WIPF3: variants seen among roughly 807,000 people sequenced by gnomAD.
The protein encoded by WIPF3 is WAS/WASL interacting protein family member 3, also known as WAS/WASL-interacting protein family member 3.
Under a neutral mutation model 38.9 loss-of-function variants are expected in WIPF3, and 33 were observed. The observed-to-expected ratio is 0.85, with a 90% CI of 0.64 to 1.14. The LOEUF is 1.14. Ranked by LOEUF, WIPF3 falls within the 50% of genes most tolerant of loss-of-function variation. The probability of loss-of-function intolerance (pLI) is 0.00; values close to 1 mark genes in which losing one functional copy is unlikely to be tolerated. For missense variants in WIPF3, 711 were observed against 652.5 expected (o/e 1.09, Z -0.98); for synonymous variants, 324 against 269.3 (o/e 1.20, Z -1.99).
At chr7:29,910,744 A>G (rs1309120504) in intron 8 of WIPF3, among the ~76,000 whole-genome samples, 1 of 152,172 alleles carries the variant, frequency 6.6e-6, no homozygotes, top group Non-Finnish European at 1.5e-5. Context: ...AATTCTCAAT[A>G]AACTAGGAAT....
chr7:29,847,662 T>G (rs1785023497), intron 2 of WIPF3, among the ~76,000 whole-genome samples: 1 of 152,234 alleles, frequency 6.6e-6, no homozygotes, highest in African/African-American at 2.4e-5. Flanking sequence ...CTGAGCTGCA[T>G]TCCTTCCTTC....
At chr7:29,894,764 G>C (rs1312332868) in intron 7 of WIPF3, among the ~76,000 whole-genome samples, 1 of 148,008 alleles carries the variant, frequency 6.8e-6, no homozygotes, top group Non-Finnish European at 1.5e-5. Context: ...CTCTCTTTCT[G>C]ACACACACAC....
At position 29,894,926 on chromosome 7, in the gene WIPF3, T is replaced by G. The variant is rs559936502; in HGVS notation, c.1351+5519T>G. Among the ~76,000 whole-genome samples, 190 of 151,840 alleles carry G rather than the reference T, an allele frequency of 1.3e-3. 2 individuals are homozygous for G. In the Middle Eastern group the frequency reaches 0.024, roughly 19 times the overall value. On this transcript the variant is annotated intron_variant, in intron 7 of 8. Transcript: ENST00000242140. ...TGTTTTGTGTGTGTTGTTGTTTTTTTTTGTTGTTGTTGTTGTTTTTCGCTT... is the reference window on the plus strand; with the variant it reads ...TGTTTTGTGTGTGTTGTTGTTTTTTGTTGTTGTTGTTGTTGTTTTTCGCTT...
intron 1 of WIPF3, among the ~76,000 whole-genome samples, chr7:29,821,536 G>T (rs143652173): frequency 1.3e-5 from 2 of 152,174 alleles, no homozygotes; most frequent in South Asian, 2.1e-4. Flanking sequence ...TGATTCTCTC[G>T]CCTTGGCCTC....
At chr7:29,818,345 C>T (rs1454340793) in intron 1 of WIPF3, among the ~76,000 whole-genome samples, 4 of 151,698 alleles carry the variant, frequency 2.6e-5, no homozygotes, top group Admixed American at 1.3e-4. Flanking sequence ...ACCAGCTACT[C>T]GGGAGGCTGA....
Position 29,884,296 on chromosome 7 carries a change from C to T in WIPF3, c.802C>T (p.Pro268Ser). ...CATCCCGCCCCCGCTCCCTCTGCTC[C>T]CACCTTGTGGGTATCCGGGGCTCAA... ...PPIPPPLPLL[P>S]PCGYPGLKAE... Residue 268 changes from proline (P) to serine (S), a missense_variant, in exon 5 of 9, where the codon CCA becomes TCA. Transcript: ENST00000242140. 3 of 1,524,602 alleles carry T rather than the reference C, an allele frequency of 2.0e-6. No homozygotes were observed. Among genetic ancestry groups the T allele is most frequent in the Non-Finnish European group, 2.7e-6 (3 of 1,131,712 alleles). 94.4% of individuals were successfully genotyped at this position (1,524,602 alleles called of 1,614,324 possible).
intron 2 of WIPF3, among the ~76,000 whole-genome samples, chr7:29,869,270 C>T (rs868747305): frequency 1.6e-4 from 24 of 152,176 alleles, no homozygotes; most frequent in African/African-American, 4.8e-4. Flanking sequence ...TCAGGTGATC[C>T]GCCCACCTTG....
rs775531802 is a variant in WIPF3, at chr7:29,823,472, A to T, written c.-57-11196A>T. On this transcript the variant is annotated intron_variant, in intron 1 of 8. Coordinates refer to ENST00000242140, the MANE Select transcript of WIPF3 (RefSeq NM_001080529.3). The surrounding 1 kb of genome is among the most constrained non-coding windows in gnomAD (Gnocchi z 4.0). ...TAGTTTGCAATATTTTTCTTTAATA[A>T]TCATTAAGATGATATCTCATTTCTA... Among the ~76,000 whole-genome samples the T allele has an allele frequency of 6.6e-6, 1 of 152,226 alleles. No homozygotes were observed. The highest frequency in any genetic ancestry group is 2.4e-5 in the African/African-American group (1 of 41,454).
At chr7:29,910,419 A>G (rs1034860128) in intron 8 of WIPF3, among the ~76,000 whole-genome samples, 3 of 152,170 alleles carry the variant, frequency 2.0e-5, no homozygotes, top group African/African-American at 4.8e-5. Flanking sequence ...CTTTTTATCT[A>G]TTCTATGAGA....
At chr7:29,837,181 C>T (rs908818513) in intron 2 of WIPF3, among the ~76,000 whole-genome samples, 3 of 151,930 alleles carry the variant, frequency 2.0e-5, no homozygotes, top group African/African-American at 4.8e-5. Context: ...CGGTGAAACC[C>T]CGTCTCTACT....
At chr7:29,816,473 T>C (rs1784460013) in intron 1 of WIPF3, among the ~76,000 whole-genome samples, 1 of 124,888 alleles carries the variant, frequency 8.0e-6, no homozygotes. Context: ...GTACACCAGC[T>C]AATTTTTATT....
Position 29,878,088 on chromosome 7 carries a change from A to G in WIPF3, c.224-921A>G, listed in dbSNP as rs1212303567. Among the ~76,000 whole-genome samples the G allele has an allele frequency of 6.6e-6, 1 of 151,786 alleles. No homozygotes were observed. The highest frequency in any genetic ancestry group is 2.4e-5 in the African/African-American group (1 of 41,038). ...AAAGAAATATTTTCAACATTGAGAA[A>G]TATTTTCAACATTGAGTACATTAAA... is the stretch of plus-strand genomic sequence containing the variant. On this transcript the variant is annotated intron_variant, in intron 3 of 8. Coordinates refer to ENST00000242140, the MANE Select transcript of WIPF3 (RefSeq NM_001080529.3). The surrounding 1 kb of genome is among the most constrained non-coding windows in gnomAD (Gnocchi z 4.0).
intron 4 of WIPF3, among the ~76,000 whole-genome samples, chr7:29,881,571 AT>A (rs1286609145): frequency 1.3e-5 from 2 of 151,932 alleles, no homozygotes; most frequent in African/African-American, 4.8e-5. Context: ...GAATATAAAT[AT>A]TTTTTTAATA....
intron 2 of WIPF3, among the ~76,000 whole-genome samples, chr7:29,871,388 G>C (rs1785494368): frequency 6.6e-6 from 1 of 152,160 alleles, no homozygotes; most frequent in African/African-American, 2.4e-5. Context: ...TTGTATGCCT[G>C]GAAACCTGTG....
chr7:29,900,057 C>T (rs1786242225), intron 7 of WIPF3, among the ~76,000 whole-genome samples: 1 of 152,128 alleles, frequency 6.6e-6, no homozygotes, highest in Non-Finnish European at 1.5e-5. Context: ...CCTGCCTCAG[C>T]CTCTTGAGTA....
intron 1 of WIPF3, among the ~76,000 whole-genome samples, chr7:29,807,506 C>G (rs1165249315): frequency 6.6e-6 from 1 of 152,172 alleles, no homozygotes; most frequent in Non-Finnish European, 1.5e-5. Flanking sequence ...GCCCGGGCCC[C>G]GTGGGCAGGC....
intron 1 of WIPF3, among the ~76,000 whole-genome samples, chr7:29,829,268 A>G (rs1181997564): frequency 7.6e-6 from 1 of 131,960 alleles, no homozygotes; most frequent in Non-Finnish European, 1.5e-5. Flanking sequence ...GCTGGGGTGC[A>G]GTGGCGCAAT....
At chr7:29,840,776 G>T (rs1389859099) in intron 2 of WIPF3, among the ~76,000 whole-genome samples, 1 of 152,164 alleles carries the variant, frequency 6.6e-6, no homozygotes, top group East Asian at 1.9e-4. Flanking sequence ...ATGGGCAAGA[G>T]GGAATGTATA....
In WIPF3 at chr7:29,884,261, A is replaced by ACCTCCCGCC. The variant is rs1562785726; in HGVS notation, c.769_777dup (p.Leu257_Pro259dup). On this transcript the variant is annotated inframe_insertion, in exon 5 of 9. Coordinates refer to ENST00000242140, the MANE Select transcript of WIPF3 (RefSeq NM_001080529.3). ...GTGAAGCCTCAGCTGGCTCCCTTGC[A>ACCTCCCGCC]CCTCCCGCCCATCCCGCCCCCGCTC... The ACCTCCCGCC allele has an allele frequency of 6.2e-6, 9 of 1,450,834 alleles. No individual in the cohort carries two copies. The highest frequency in any genetic ancestry group is 7.3e-6 in the Non-Finnish European group (8 of 1,101,986). 89.9% of individuals were successfully genotyped at this position (1,450,834 alleles called of 1,614,324 possible).
Sources: gnomAD v4.1 joint callset for allele counts (sites outside exome capture counted in the v4.1 genomes callset) on GRCh38, gnomAD v4.1.1 for gene constraint, Gnocchi (gnomAD v3.1) non-coding constraint, MANE v1.5 for transcripts, NCBI Gene and HGNC (gene_info 2026-07-23, HGNC 2026-07-21) for gene names.